EVL: variants seen among roughly 807,000 people sequenced by gnomAD.
EVL encodes the protein Enah/Vasp-like.
A neutral mutation model predicts 59.6 loss-of-function variants in EVL; 21 were observed. That is an observed-to-expected ratio of 0.35 (90% CI 0.25 to 0.51). EVL has a LOEUF of 0.51. Ranked by LOEUF, EVL falls within the 20% of genes least tolerant of loss-of-function variation. The pLI, the probability that EVL is intolerant of heterozygous loss-of-function variation, is 0.97. For synonymous variants in EVL, 198 were observed against 203.5 expected, an observed-to-expected ratio of 0.97 and a Z score of 0.23; for missense variants, 462 against 546.6, an observed-to-expected ratio of 0.85 and a Z score of 1.54.
At chr14:100,098,598 G>A (rs899508684) in intron 3 of EVL, among the ~76,000 whole-genome samples, 3 of 152,206 alleles carry the variant, frequency 2.0e-5, no homozygotes, top group African/African-American at 7.2e-5. Context: ...AATTACATGT[G>A]GCTTTTATTG....
At chr14:100,133,731 A>T (rs1314553885) in intron 8 of EVL, among the ~76,000 whole-genome samples, 1 of 152,200 alleles carries the variant, frequency 6.6e-6, no homozygotes, top group Non-Finnish European at 1.5e-5. Flanking sequence ...TGAGGTCAGG[A>T]GTTTGAGACC....
intron 1 of EVL, among the ~76,000 whole-genome samples, chr14:100,000,817 A>G (rs1489837805): frequency 1.3e-5 from 2 of 151,964 alleles, no homozygotes; most frequent in Non-Finnish European, 2.9e-5. Context: ...TTTCTTTCAC[A>G]TTTACCCCCT....
At chr14:100,030,457 T>C (rs1257560599) in intron 1 of EVL, among the ~76,000 whole-genome samples, 3 of 152,208 alleles carry the variant, frequency 2.0e-5, no homozygotes, top group African/African-American at 4.8e-5. Context: ...TTTAATTTAC[T>C]GTAAGCAGCA....
chr14:100,067,411 A>C (rs1264915819), intron 1 of EVL, among the ~76,000 whole-genome samples: 1 of 152,216 alleles, frequency 6.6e-6, no homozygotes, highest in African/African-American at 2.4e-5. Context: ...TCTTGAGTGC[A>C]TGACAACGTA....
chr14:100,076,125 T>G (rs2062156194), intron 1 of EVL, among the ~76,000 whole-genome samples: 1 of 152,202 alleles, frequency 6.6e-6, no homozygotes, highest in South Asian at 2.1e-4. Flanking sequence ...AGGAGAAATA[T>G]CTCTTCCTAA....
At chr14:100,132,854 A>C in intron 8 of EVL, 75 bp downstream of exon 8, 14 of 1,545,058 alleles carry the variant, frequency 9.1e-6, no homozygotes, top group Non-Finnish European at 1.2e-5. Flanking sequence ...CTCTGGTCTC[A>C]GGCGAGGCCT....
chr14:100,060,268 A>C (rs965176075), intron 1 of EVL, among the ~76,000 whole-genome samples: 69 of 151,926 alleles, frequency 4.5e-4, no homozygotes, highest in African/African-American at 1.6e-3. Context: ...GTCTCTACTA[A>C]AAAATACAAA....
In EVL at chr14:99,983,777, C is replaced by T. The variant is rs549891712; in HGVS notation, c.5+11720C>T. Among the ~76,000 whole-genome samples, 133 of 152,322 alleles carry T rather than the reference C, an allele frequency of 8.7e-4. 7 individuals are homozygous for T. In the South Asian group the frequency reaches 0.027, roughly 31 times the overall value. ...CCTCTTTACCTTGCTAACTTCTTAGCCTTCAAATCTTATTTGAAACATCAC... is the reference window on the plus strand; with the variant it reads ...CCTCTTTACCTTGCTAACTTCTTAGTCTTCAAATCTTATTTGAAACATCAC... On this transcript the variant is annotated intron_variant, in intron 1 of 13. Coordinates refer to the EVL transcript ENST00000402714.
At chr14:99,991,572 A>G (rs2060875632) in intron 1 of EVL, among the ~76,000 whole-genome samples, 1 of 152,218 alleles carries the variant, frequency 6.6e-6, no homozygotes, top group Non-Finnish European at 1.5e-5. Context: ...TGTAAATGGA[A>G]ATAACACTGC....
intron 1 of EVL, 95 bp downstream of exon 1, chr14:100,065,606 C>A: frequency 1.5e-6 from 1 of 650,130 alleles, no homozygotes; most frequent in South Asian, 4.0e-5. Context: ...CTCAGGTCCC[C>A]TTAGTATACT....
intron 1 of EVL, among the ~76,000 whole-genome samples, chr14:100,050,584 G>A (rs1367343938): frequency 6.6e-6 from 1 of 151,816 alleles, no homozygotes; most frequent in Non-Finnish European, 1.5e-5. Flanking sequence ...TGATCCACCC[G>A]CCTCAGCCTC....
intron 1 of EVL, among the ~76,000 whole-genome samples, chr14:100,002,725 A>C (rs1278329521): frequency 6.6e-6 from 1 of 152,244 alleles, no homozygotes; most frequent in African/African-American, 2.4e-5. Flanking sequence ...CAAGGGTTTA[A>C]AACACATGAT....
chr14:100,073,166 C>G (rs1029639998), intron 1 of EVL, among the ~76,000 whole-genome samples: 2 of 151,682 alleles, frequency 1.3e-5, no homozygotes, highest in African/African-American at 4.9e-5. Context: ...ACCACTCTGC[C>G]TTTGCTGACA....
intron 1 of EVL, among the ~76,000 whole-genome samples, chr14:100,067,327 C>A (rs2061952483): frequency 6.6e-6 from 1 of 152,192 alleles, no homozygotes; most frequent in African/African-American, 2.4e-5. Context: ...ATATATCTTA[C>A]CAGCTCTAGC....
At position 100,143,776 on chromosome 14, in the gene EVL, C is replaced by G. The variant is rs376229197; in HGVS notation, c.*38C>G. The G allele has an allele frequency of 1.2e-6, 2 of 1,604,118 alleles. No homozygotes were observed. The highest frequency in any genetic ancestry group is 1.7e-6 in the Non-Finnish European group (2 of 1,175,702). On this transcript the variant is annotated 3_prime_UTR_variant, in exon 14 of 14. Coordinates refer to ENST00000392920, the MANE Select transcript of EVL (RefSeq NM_016337.3). ...GCTGCGCTGATTCGTCGAGCCCATC[C>G]GGCGACAGAGGACAGCCAGAAGCCC...
At chr14:99,994,874 T>G (rs2060902660) in intron 1 of EVL, among the ~76,000 whole-genome samples, 1 of 152,222 alleles carries the variant, frequency 6.6e-6, no homozygotes, top group Non-Finnish European at 1.5e-5. Flanking sequence ...GAAAAAAGTC[T>G]TCATTTCTCC....
intron 1 of EVL, among the ~76,000 whole-genome samples, chr14:100,040,089 T>C (rs2061445281): frequency 6.6e-6 from 1 of 152,226 alleles, no homozygotes; most frequent in Non-Finnish European, 1.5e-5. Context: ...CCCCATGAGC[T>C]GTTGATCTTT....
At chr14:100,029,038 G>T (rs1458842520) in intron 1 of EVL, among the ~76,000 whole-genome samples, 1 of 152,158 alleles carries the variant, frequency 6.6e-6, no homozygotes, top group Non-Finnish European at 1.5e-5. Flanking sequence ...ATAAAACATT[G>T]CTGTATTGTT....
At chr14:100,065,635 C>T (rs1158709567) in intron 1 of EVL, 124 bp downstream of exon 1, 1 of 466,710 alleles carries the variant, frequency 2.1e-6, no homozygotes, top group African/African-American at 2.0e-5. Flanking sequence ...AGTCCATGAC[C>T]AGAGGGCAGG....
Sources: gnomAD v4.1 joint callset for allele counts (sites outside exome capture counted in the v4.1 genomes callset) on GRCh38, gnomAD v4.1.1 for gene constraint, MANE v1.5 for transcripts, NCBI Gene and HGNC (gene_info 2026-07-23, HGNC 2026-07-21) for gene names.